CSNK2A2: variants seen among roughly 807,000 people sequenced by gnomAD.
CSNK2A2 encodes the protein casein kinase 2 alpha 2, also known as casein kinase II subunit alpha'.
CSNK2A2 carries 8 observed loss-of-function variants against 54.0 expected under a neutral mutation model. That is an observed-to-expected ratio of 0.15 (90% CI 0.09 to 0.27). The LOEUF (loss-of-function observed/expected upper bound fraction) is 0.27, where lower values mean the gene tolerates loss of function less well. Among genes scored for constraint, CSNK2A2 ranks in the 10% least tolerant of loss-of-function variants. CSNK2A2 has a pLI of 1.00. For synonymous variants in CSNK2A2, 141 were observed against 153.9 expected (o/e 0.92, Z 0.62); for missense variants, 242 against 439.4 (o/e 0.55, Z 4.02).
intron 2 of CSNK2A2, among the ~76,000 whole-genome samples, chr16:58,190,478 A>G (rs1201774314): frequency 1.3e-5 from 2 of 152,198 alleles, no homozygotes; most frequent in Non-Finnish European, 2.9e-5. Flanking sequence ...CACGTAATTC[A>G]CTACCCTGGT....
At chr16:58,192,643 AAAAT>A (rs1249717285) in intron 2 of CSNK2A2, 1 of 152,228 alleles carries the variant, frequency 6.6e-6, no homozygotes, top group African/African-American at 2.4e-5. Context: ...TCCTTTGAGA[AAAAT>A]AACTCCAAAA....
In CSNK2A2 at chr16:58,186,736, C is replaced by A; in HGVS notation, c.318+19G>T. 1 of 1,598,754 alleles carries A rather than the reference C, an allele frequency of 6.3e-7. No homozygotes were observed. Among genetic ancestry groups the A allele is most frequent in the Non-Finnish European group, 8.6e-7 (1 of 1,166,480 alleles). On this transcript the variant is annotated intron_variant, in intron 3 of 11. Transcript: ENST00000262506. ...CACCCCGGTCTACTAGTATACTCCC[C>A]CAACCATTTGGCACCTACCACGGGG...
At chr16:58,171,981 T>A (rs9936226) in intron 5 of CSNK2A2, among the ~76,000 whole-genome samples, 852 of 54,044 alleles carry the variant, frequency 0.016, 19 homozygotes, top group African/African-American at 0.084. Context: ...ATATATATAT[T>A]TTTTTTTTTT....
At chr16:58,185,350 G>T (rs1211183939) in intron 3 of CSNK2A2, among the ~76,000 whole-genome samples, 1 of 152,128 alleles carries the variant, frequency 6.6e-6, no homozygotes, top group Non-Finnish European at 1.5e-5. Context: ...TCTCTCAACG[G>T]GAGAATAGTG....
At chr16:58,170,761 G>C (rs1961712513) in intron 5 of CSNK2A2, among the ~76,000 whole-genome samples, 1 of 151,972 alleles carries the variant, frequency 6.6e-6, no homozygotes, top group Non-Finnish European at 1.5e-5. Context: ...GTGTCTACCG[G>C]CCATTCTAAA....
chr16:58,193,216 G>A (rs1450414169), intron 2 of CSNK2A2, among the ~76,000 whole-genome samples: 1 of 152,144 alleles, frequency 6.6e-6, no homozygotes, highest in East Asian at 1.9e-4. Context: ...GAGAAATAAA[G>A]AGGAAATAAA....
intron 4 of CSNK2A2, among the ~76,000 whole-genome samples, chr16:58,180,319 C>T (rs1233647158): frequency 6.7e-6 from 1 of 149,770 alleles, no homozygotes; most frequent in Non-Finnish European, 1.5e-5. Flanking sequence ...GGAGTAAAGG[C>T]ACAAATACTA....
intron 5 of CSNK2A2, among the ~76,000 whole-genome samples, chr16:58,172,424 G>GTCAT (rs1961769945): frequency 6.6e-6 from 1 of 152,178 alleles, no homozygotes; most frequent in African/African-American, 2.4e-5. Context: ...AAGTCACCGA[G>GTCAT]TCATCACACT....
chr16:58,196,251 T>C (rs577193258), intron 2 of CSNK2A2, among the ~76,000 whole-genome samples: 2 of 152,340 alleles, frequency 1.3e-5, no homozygotes, highest in South Asian at 4.1e-4. Flanking sequence ...GTCTGCACAT[T>C]TTCTTGAAAG....
At chr16:58,181,601 T>C (rs960723135) in intron 4 of CSNK2A2, among the ~76,000 whole-genome samples, 1 of 152,036 alleles carries the variant, frequency 6.6e-6, no homozygotes, top group Admixed American at 6.6e-5. Context: ...ATATTCTTAG[T>C]GAGAAAATAG....
intron 4 of CSNK2A2, among the ~76,000 whole-genome samples, chr16:58,178,160 A>G (rs951317898): frequency 1.3e-5 from 2 of 152,220 alleles, no homozygotes; most frequent in African/African-American, 4.8e-5. Context: ...AGTGATTTAG[A>G]AATCCTCCAA....
At chr16:58,189,470 C>T (rs1198962762) in intron 2 of CSNK2A2, among the ~76,000 whole-genome samples, 2 of 152,304 alleles carry the variant, frequency 1.3e-5, no homozygotes, top group East Asian at 1.9e-4. Context: ...TCCTTACAGG[C>T]ACAACCCATT....
intron 5 of CSNK2A2, among the ~76,000 whole-genome samples, chr16:58,172,851 C>T (rs1339496715): frequency 6.6e-6 from 1 of 152,202 alleles, no homozygotes; most frequent in Admixed American, 6.5e-5. Context: ...CTAGCTGCTA[C>T]CTCCAGAAAG....
In CSNK2A2 at chr16:58,197,661, C is replaced by A. The variant is rs745740318; in HGVS notation, c.76G>T (p.Asp26Tyr). The A allele has an allele frequency of 6.3e-7, 1 of 1,577,312 alleles. No homozygotes were observed. The highest frequency in any genetic ancestry group is 8.6e-7 in the Non-Finnish European group (1 of 1,164,860). The change falls in exon 1 of 12, where the codon GAC (aspartate) becomes TAC (tyrosine). Residue 26 changes from aspartate (D) to tyrosine (Y), a missense_variant. Coordinates refer to ENST00000262506, the MANE Select transcript of CSNK2A2 (RefSeq NM_001896.4). This position sits in a 1 kb window ranked among gnomAD's most constrained non-coding sequence, Gnocchi z 4.0. ...CAGCTCGGGACGTGAGCCTCGTAGT[C>A]CCAGTACTCGCGGCTCCTCAGACTG... ...VNSLRSREYW[D>Y]YEAHVPSWGN... is the part of the protein sequence containing the mutation.
At chr16:58,182,763 C>T (rs937654476) in intron 4 of CSNK2A2, among the ~76,000 whole-genome samples, 5 of 152,160 alleles carry the variant, frequency 3.3e-5, no homozygotes, top group Non-Finnish European at 7.4e-5. Flanking sequence ...AAGACATGCA[C>T]ACACATTCCC....
At chr16:58,176,754 T>A (rs1961889612) in intron 4 of CSNK2A2, among the ~76,000 whole-genome samples, 1 of 152,122 alleles carries the variant, frequency 6.6e-6, no homozygotes, top group African/African-American at 2.4e-5. Context: ...CCCTTCTCTA[T>A]CTCCATGCCA....
At chr16:58,188,031 G>A (rs1207048841) in intron 2 of CSNK2A2, among the ~76,000 whole-genome samples, 1 of 151,780 alleles carries the variant, frequency 6.6e-6, no homozygotes, top group Non-Finnish European at 1.5e-5. Flanking sequence ...TTTTGCCTGT[G>A]TGTGGGGTGG....
chr16:58,194,999 T>C lies in CSNK2A2; in HGVS notation c.216+1734A>G, dbSNP rs148499197. 2.7e-3 allele frequency among the ~76,000 whole-genome samples: 409 copies of C among 152,290 alleles called. 1 individual carries two copies. Among genetic ancestry groups the C allele is most frequent in the Non-Finnish European group, 5.0e-3 (341 of 68,006 alleles). On this transcript the variant is annotated intron_variant, in intron 2 of 11. Transcript: ENST00000262506. ...GCCATAGCACAAAAGTTCAGACATT[T>C]TTCTGGAATTGCTTTAGAGTCAGCA...
chr16:58,190,330 C>T (rs1442768071), intron 2 of CSNK2A2, among the ~76,000 whole-genome samples: 1 of 152,078 alleles, frequency 6.6e-6, no homozygotes, highest in Admixed American at 6.5e-5. Context: ...TCCTAGCTCT[C>T]AAATTTGGGG....
Sources: gnomAD v4.1 joint callset for allele counts (sites outside exome capture counted in the v4.1 genomes callset) on GRCh38, gnomAD v4.1.1 for gene constraint, Gnocchi (gnomAD v3.1) non-coding constraint, MANE v1.5 for transcripts, NCBI Gene and HGNC (gene_info 2026-07-23, HGNC 2026-07-21) for gene names.